Variants in ROCK2 observed in about 807,000 individuals in gnomAD.
ROCK2 encodes Rho associated coiled-coil containing protein kinase 2.
In ROCK2, 61 loss-of-function variants were observed where a neutral mutation model predicts 195.1. The ratio of observed to expected loss-of-function variants is 0.31; its 90% CI spans 0.25 to 0.39. ROCK2 has a LOEUF of 0.39. Among genes scored for constraint, ROCK2 ranks in the 10% least tolerant of loss-of-function variants. The probability of loss-of-function intolerance (pLI) is 1.00; values close to 1 mark genes in which losing one functional copy is unlikely to be tolerated. For synonymous variants in ROCK2, 504 were observed against 545.5 expected (o/e 0.92, Z 1.06); for missense variants, 1,109 against 1,637.4 (o/e 0.68, Z 5.57).
At chr2:11,226,817 G>A (rs1664826338) in intron 6 of ROCK2, among the ~76,000 whole-genome samples, 1 of 149,592 alleles carries the variant, frequency 6.7e-6, no homozygotes, top group Admixed American at 6.7e-5. Context: ...GAGGCAAAAT[G>A]GGATGATCAC....
intron 2 of ROCK2, among the ~76,000 whole-genome samples, chr2:11,287,023 T>C (rs1009169630): frequency 2.6e-5 from 4 of 152,218 alleles, no homozygotes; most frequent in African/African-American, 9.6e-5. Flanking sequence ...TGAATTTTGA[T>C]GGCCTACTTC....
intron 3 of ROCK2, among the ~76,000 whole-genome samples, chr2:11,260,867 C>T (rs770854699): frequency 3.9e-5 from 6 of 152,172 alleles, no homozygotes; most frequent in Admixed American, 2.0e-4. Flanking sequence ...GAGAAAAATG[C>T]TGACTGACTT....
At chr2:11,231,856 A>G (rs1162117644) in intron 5 of ROCK2, among the ~76,000 whole-genome samples, 1 of 152,146 alleles carries the variant, frequency 6.6e-6, no homozygotes, top group Non-Finnish European at 1.5e-5. Flanking sequence ...GCTTTTATCC[A>G]TGGCATAACA....
intron 1 of ROCK2, among the ~76,000 whole-genome samples, chr2:11,318,777 T>G (rs1055112649): frequency 6.6e-6 from 1 of 152,238 alleles, no homozygotes; most frequent in Non-Finnish European, 1.5e-5. Context: ...AATTAATTTT[T>G]GTATAAGGTG....
rs773817908 is a variant in ROCK2, at chr2:11,180,713, T to TTA, written c.*2722_*2723dup. 1.2e-4 allele frequency: 18 copies of TTA among 152,336 alleles called. No homozygotes were observed. The highest frequency in any genetic ancestry group is 3.4e-3 in the Middle Eastern group (1 of 294). The allele number at this position is 152,336 out of a possible 1,614,324, so 9.4% of individuals were successfully genotyped here. A position where few individuals can be genotyped will look rare whatever the true frequency, so the allele number is the denominator to read the frequency against. On this transcript the variant is annotated 3_prime_UTR_variant, in exon 33 of 33. Transcript: ENST00000315872. The stretch of plus-strand genomic sequence containing the variant: ...GTGAAGGAACAAGCAAATTTTAGTC[T>TTA]TATATTTATCTTGGAAGCTTCAGGG...
intron 1 of ROCK2, among the ~76,000 whole-genome samples, chr2:11,336,410 T>A (rs778981461): frequency 3.3e-5 from 5 of 152,094 alleles, no homozygotes; most frequent in Non-Finnish European, 7.4e-5. Context: ...CCACCATGCC[T>A]GGCTAATTTT....
chr2:11,184,288 A>G (rs1167573227), intron 32 of ROCK2, among the ~76,000 whole-genome samples: 1 of 152,250 alleles, frequency 6.6e-6, no homozygotes, highest in African/African-American at 2.4e-5. Flanking sequence ...AGATGGAGAA[A>G]GGAATCTCAT....
chr2:11,314,235 T>C (rs745923541), intron 1 of ROCK2, among the ~76,000 whole-genome samples: 35 of 151,976 alleles, frequency 2.3e-4, no homozygotes, highest in Non-Finnish European at 4.4e-4. Flanking sequence ...CCTCATAGTC[T>C]AATGTAGCAT....
At chr2:11,278,785 T>G (rs890163795) in intron 3 of ROCK2, among the ~76,000 whole-genome samples, 2 of 152,258 alleles carry the variant, frequency 1.3e-5, no homozygotes, top group Admixed American at 1.3e-4. Context: ...GCTAATTTTT[T>G]GCATTTTTAG....
intron 1 of ROCK2, among the ~76,000 whole-genome samples, chr2:11,323,227 A>C: frequency 6.6e-6 from 1 of 152,228 alleles, no homozygotes; most frequent in South Asian, 2.1e-4. Flanking sequence ...TGAAAAAAAG[A>C]ATACTGTCTT....
chr2:11,329,148 TTTTTGCCCATCTTCACTACCTTGGTGGGG>T (rs1262097296), intron 1 of ROCK2, among the ~76,000 whole-genome samples: 1 of 152,106 alleles, frequency 6.6e-6, no homozygotes, highest in Non-Finnish European at 1.5e-5. Flanking sequence ...TTTCCTTCAT[TTTTTGCCCATCTTCACTACCTTGGTGGGG>T]AAACTCTTAA....
chr2:11,266,250 T>C (rs72787665), intron 3 of ROCK2, among the ~76,000 whole-genome samples: 6,473 of 152,302 alleles, frequency 0.043, 278 homozygotes, highest in Non-Finnish European at 0.06. Context: ...AATATGTTCA[T>C]GGTGGTTTGT....
intron 1 of ROCK2, among the ~76,000 whole-genome samples, chr2:11,291,596 AAAAAAT>A (rs1667365231): frequency 6.6e-6 from 1 of 152,188 alleles, no homozygotes; most frequent in South Asian, 2.1e-4. Context: ...AAATGCTTCA[AAAAAAT>A]AAAAATAAAA....
At chr2:11,324,158 C>T (rs146893207) in intron 1 of ROCK2, among the ~76,000 whole-genome samples, 14 of 152,300 alleles carry the variant, frequency 9.2e-5, no homozygotes, top group Non-Finnish European at 1.8e-4. Context: ...TATGTTCAGC[C>T]GGGCACGGTG....
intron 1 of ROCK2, among the ~76,000 whole-genome samples, chr2:11,339,269 A>T (rs1669029694): frequency 6.6e-6 from 1 of 152,216 alleles, no homozygotes; most frequent in Non-Finnish European, 1.5e-5. Context: ...GGACAGATAA[A>T]GAAAATACAG....
intron 3 of ROCK2, among the ~76,000 whole-genome samples, chr2:11,283,302 T>G (rs1236223718): frequency 6.7e-6 from 1 of 149,110 alleles, no homozygotes; most frequent in Admixed American, 6.7e-5. Context: ...GGCTCACGCC[T>G]GTAATCCCAG....
intron 1 of ROCK2, among the ~76,000 whole-genome samples, chr2:11,298,469 C>CAAAA (rs771356019): frequency 4.4e-5 from 2 of 45,016 alleles, no homozygotes; most frequent in Admixed American, 2.4e-4. Context: ...GACTCCATCT[C>CAAAA]AAAAAAAAAA....
intron 1 of ROCK2, among the ~76,000 whole-genome samples, chr2:11,296,052 A>AGAGAGAGAGAGAGAGAG (rs1558370127): frequency 1.0e-4 from 5 of 47,886 alleles, no homozygotes; most frequent in Non-Finnish European, 1.7e-4. Context: ...GAGAGAGAGA[A>AGAGAGAGAGAGAGAGAG]AACAAAGGGT....
intron 32 of ROCK2, among the ~76,000 whole-genome samples, chr2:11,187,077 A>T (rs1256025011): frequency 6.6e-6 from 1 of 152,130 alleles, no homozygotes; most frequent in Non-Finnish European, 1.5e-5. Flanking sequence ...AGCAGTCCAC[A>T]AAAGTACCCA....
Sources: gnomAD v4.1 joint callset for allele counts (sites outside exome capture counted in the v4.1 genomes callset) on GRCh38, gnomAD v4.1.1 for gene constraint, MANE v1.5 for transcripts, NCBI Gene and HGNC (gene_info 2026-07-23, HGNC 2026-07-21) for gene names.